The following PCDHA3 variants were observed in gnomAD, a reference collection of about 807,000 sequenced individuals.
PCDHA3 encodes protocadherin alpha 3.
Under a neutral mutation model 62.2 loss-of-function variants are expected in PCDHA3, and 41 were observed. That is an observed-to-expected ratio of 0.66 (90% confidence interval 0.51 to 0.86). The LOEUF (loss-of-function observed/expected upper bound fraction) is 0.86, where lower values mean the gene tolerates loss of function less well. Ranked by LOEUF, PCDHA3 falls within the 40% of genes least tolerant of loss-of-function variation. The probability of loss-of-function intolerance (pLI) is 0.00; values close to 1 mark genes in which losing one functional copy is unlikely to be tolerated. For synonymous variants in PCDHA3, 640 were observed against 555.4 expected (o/e 1.15, Z -2.14); for missense variants, 1,304 against 1,241.2 (o/e 1.05, Z -0.76).
At chr5:140,836,263 A>G in intron 1 of PCDHA3, 1 of 1,613,768 alleles carries the variant, frequency 6.2e-7, no homozygotes, top group Non-Finnish European at 8.5e-7. Context: ...GTGGGGCTGT[A>G]CACTGGTGAG....
chr5:140,877,057 G>C, intron 1 of PCDHA3: 1 of 1,612,862 alleles, frequency 6.2e-7, no homozygotes. Flanking sequence ...CGAGGAGCTG[G>C]AGCTGCTGCA....
At chr5:140,830,327 GGGAGCT>G (rs1183196628) in intron 1 of PCDHA3, 2 of 1,613,914 alleles carry the variant, frequency 1.2e-6, no homozygotes, top group Non-Finnish European at 1.7e-6. Flanking sequence ...CAGCGCAGTG[GGGAGCT>G]GGTCGTACTC....
intron 1 of PCDHA3, chr5:140,822,563 T>A: frequency 1.9e-6 from 3 of 1,613,440 alleles, no homozygotes; most frequent in Non-Finnish European, 2.5e-6. Context: ...GTTATTAAAC[T>A]GAACGCCTCA....
At position 140,823,576 on chromosome 5, in the gene PCDHA3, G is replaced by A. The variant is rs2150127070; in HGVS notation, c.2394+19985G>A. 4 of 1,613,976 alleles carry A rather than the reference G, an allele frequency of 2.5e-6. No individual in the cohort carries two copies. In the East Asian group the frequency reaches 6.7e-5, roughly 27 times the overall value. On this transcript the variant is annotated intron_variant, in intron 1 of 3. Coordinates refer to ENST00000522353, the MANE Select transcript of PCDHA3 (RefSeq NM_018906.3). ...GGTGCGCGCAGTGGACCCTGATTCG[G>A]GCTACAACGCTTGGCTTTCGTATGA...
chr5:140,850,469 G>A lies in PCDHA3; in HGVS notation c.2394+46878G>A, dbSNP rs2150485500. 6.3e-6 allele frequency: 10 copies of A among 1,597,768 alleles called. 2 individuals carry two copies. The highest frequency in any genetic ancestry group is 8.6e-6 in the Non-Finnish European group (10 of 1,167,634). On this transcript the variant is annotated intron_variant, in intron 1 of 3. Transcript: ENST00000522353. Reference sequence around the variant, plus strand: ...TGGTGAAAGACCACGGGGAGCCAGCGCTGACGGCCACGGCCACTGTGCTGG... The same window carrying A: ...TGGTGAAAGACCACGGGGAGCCAGCACTGACGGCCACGGCCACTGTGCTGG...
chr5:141,009,712 C>T lies in PCDHA3; in HGVS notation c.2628C>T (p.Pro876=). The T allele has an allele frequency of 1.2e-6, 2 of 1,614,156 alleles. No individual in the cohort carries two copies. Among genetic ancestry groups the T allele is most frequent in the African/African-American group, 1.3e-5 (1 of 75,034 alleles). ...CCTTTAAATACGGACCAGGCAACCC[C>T]AAACAATCCGGTCCCGGTGAGTTGC... is the stretch of plus-strand genomic sequence containing the variant. ...SWTFKYGPGN[P]KQSGPGELPD... is the part of the protein sequence containing the mutation. The change falls in exon 4 of 4, where the codon CCC becomes CCT. Residue 876 remains proline (P), a synonymous_variant. Transcript: ENST00000522353.
intron 1 of PCDHA3, among the ~76,000 whole-genome samples, chr5:140,940,939 C>T (rs930086780): frequency 2.0e-5 from 3 of 152,154 alleles, no homozygotes; most frequent in African/African-American, 2.4e-5. Context: ...ACTTAGACTA[C>T]GTATTCTCAG....
rs144072974 is a variant in PCDHA3 at position 140,938,897 on chromosome 5, G to GCA, written c.2395-40040_2395-40039dup. 1.4e-3 allele frequency among the ~76,000 whole-genome samples: 215 copies of GCA among 151,312 alleles called. 3 individuals carry two copies. The East Asian group carries it at 0.032, about 22-fold the overall frequency. Reference sequence around the variant, plus strand: ...AAGCAACACACACACACACAGATGCGCACACACACACACGCACAAGAAATT... The same window carrying GCA: ...AAGCAACACACACACACACAGATGCGCACACACACACACACGCACAAGAAATT... On this transcript the variant is annotated intron_variant, in intron 1 of 3. Coordinates refer to ENST00000522353, the MANE Select transcript of PCDHA3 (RefSeq NM_018906.3).
chr5:140,976,615 G>C (rs1264627090), intron 1 of PCDHA3, among the ~76,000 whole-genome samples: 2 of 152,102 alleles, frequency 1.3e-5, no homozygotes, highest in Admixed American at 1.3e-4. Context: ...AAACATGACT[G>C]TCAGCTGAAC....
At chr5:140,997,918 A>G (rs2097790482) in intron 3 of PCDHA3, among the ~76,000 whole-genome samples, 1 of 152,220 alleles carries the variant, frequency 6.6e-6, no homozygotes, top group South Asian at 2.1e-4. Context: ...TTACAGAATC[A>G]TAGGATATAA....
intron 1 of PCDHA3, chr5:140,857,918 G>T (rs1243844248): frequency 6.3e-7 from 1 of 1,597,708 alleles, no homozygotes; most frequent in Non-Finnish European, 8.6e-7. Context: ...GTTTCGCGTG[G>T]GGCTGTACAC....
At chr5:140,828,388 C>A in intron 1 of PCDHA3, 1 of 1,614,274 alleles carries the variant, frequency 6.2e-7, no homozygotes, top group Non-Finnish European at 8.5e-7. Context: ...GCGGGCGGAG[C>A]GCGGAGTGCA....
At chr5:140,928,099 C>T in intron 1 of PCDHA3, 5 of 1,614,204 alleles carry the variant, frequency 3.1e-6, no homozygotes, top group Non-Finnish European at 4.2e-6. Context: ...TGATGGGCCC[C>T]TGGACCGGGA....
chr5:140,900,309 C>T (rs1183008231), intron 1 of PCDHA3, among the ~76,000 whole-genome samples: 1 of 151,686 alleles, frequency 6.6e-6, no homozygotes, highest in Non-Finnish European at 1.5e-5. Context: ...GACAGTCTCA[C>T]TTTTGTCGCC....
chr5:140,887,101 CTTT>C (rs200717289), intron 1 of PCDHA3, among the ~76,000 whole-genome samples: 1 of 145,292 alleles, frequency 6.9e-6, no homozygotes, highest in African/African-American at 2.5e-5. Flanking sequence ...ATCTTTATCT[CTTT>C]TTTTTTTTTT....
intron 1 of PCDHA3, chr5:140,866,190 G>C (rs1420527547): frequency 6.6e-6 from 1 of 152,128 alleles, no homozygotes; most frequent in African/African-American, 2.4e-5. Context: ...TCAGAAAACT[G>C]TGGTTTCCAA....
intron 1 of PCDHA3, chr5:140,815,743 C>T (rs1554126863): frequency 6.6e-6 from 1 of 152,154 alleles, no homozygotes; most frequent in Non-Finnish European, 1.5e-5. Flanking sequence ...AAGGCCCCCT[C>T]TTAACATTTC....
intron 3 of PCDHA3, among the ~76,000 whole-genome samples, chr5:140,985,614 C>G (rs2097160648): frequency 6.6e-6 from 1 of 152,100 alleles, no homozygotes; most frequent in East Asian, 1.9e-4. Flanking sequence ...TTCCGTGAAC[C>G]AGCTGTGTAT....
intron 1 of PCDHA3, chr5:140,835,744 C>A: frequency 1.2e-6 from 2 of 1,613,652 alleles, no homozygotes; most frequent in Non-Finnish European, 1.7e-6. Context: ...AACGCCCCGG[C>A]GTTCGCGCAG....
Sources: allele counts gnomAD v4.1 joint callset (sites outside exome capture counted in the v4.1 genomes callset), GRCh38; gene constraint gnomAD v4.1.1; transcripts MANE v1.5; gene names NCBI Gene and HGNC (gene_info 2026-07-23, HGNC 2026-07-21).